Variants in LRRIQ1 observed in about 807,000 individuals in gnomAD.
The protein encoded by LRRIQ1 is leucine-rich repeat- and IQ domain-containing protein 1.
LRRIQ1 carries 210 observed loss-of-function variants against 211.9 expected under a neutral mutation model. The ratio of observed to expected loss-of-function variants is 0.99; its 90% CI spans 0.89 to 1.11. The LOEUF (loss-of-function observed/expected upper bound fraction) is 1.11, where lower values mean the gene tolerates loss of function less well. LRRIQ1 is among the 50% of genes most tolerant of loss of function. The pLI is 0.00. For missense variants in LRRIQ1, 2,136 were observed against 1,939.5 expected (o/e 1.10, Z -1.90); for synonymous variants, 699 against 650.1 (o/e 1.08, Z -1.14).
chr12:85,207,048 G>A (rs1893593047), intron 24 of LRRIQ1, among the ~76,000 whole-genome samples: 2 of 152,146 alleles, frequency 1.3e-5, no homozygotes, highest in African/African-American at 2.4e-5. Flanking sequence ...AGCTCTTCCT[G>A]ACAGTTCATG....
intron 24 of LRRIQ1, among the ~76,000 whole-genome samples, chr12:85,166,958 G>A (rs965003366): frequency 6.6e-6 from 1 of 152,126 alleles, no homozygotes; most frequent in African/African-American, 2.4e-5. Context: ...ATGTATAATG[G>A]ATAGTTAATA....
chr12:85,179,703 T>C (rs1436714078), intron 24 of LRRIQ1, among the ~76,000 whole-genome samples: 1 of 151,978 alleles, frequency 6.6e-6, no homozygotes, highest in Admixed American at 6.6e-5. Context: ...TTCCTTTATC[T>C]GAAATGACCC....
chr12:85,084,495 G>A (rs1884614272), intron 11 of LRRIQ1, among the ~76,000 whole-genome samples: 1 of 151,688 alleles, frequency 6.6e-6, no homozygotes, highest in Non-Finnish European at 1.5e-5. Flanking sequence ...TTATTGCTAG[G>A]GTATATGTAA....
Position 85,244,888 on chromosome 12 carries a change from A to G in LRRIQ1, c.5116A>G (p.Arg1706Gly), listed in dbSNP as rs762647114. The change falls in exon 27 of 27, where the codon AGA becomes GGA. Residue 1706 changes from arginine (R) to glycine (G), a missense_variant. Physicochemically the swap from Arg to Gly is moderately radical, Grantham distance 125. Coordinates refer to ENST00000393217, the MANE Select transcript of LRRIQ1 (RefSeq NM_001079910.2). ...VNREKKNQAH[R>G]HSAGSSSKLW... Reference sequence around the variant, plus strand: ...CAGAGAAAAAAAAAATCAGGCACACAGACACTCAGCAGGATCTTCAAGTAA... The same window carrying G: ...CAGAGAAAAAAAAAATCAGGCACACGGACACTCAGCAGGATCTTCAAGTAA... The G allele has an allele frequency of 6.2e-7, 1 of 1,611,688 alleles. No homozygotes were observed. The highest frequency in any genetic ancestry group is 8.5e-7 in the Non-Finnish European group (1 of 1,178,368).
At chr12:85,069,338 C>T (rs926288997) in intron 10 of LRRIQ1, among the ~76,000 whole-genome samples, 2 of 151,946 alleles carry the variant, frequency 1.3e-5, no homozygotes, top group African/African-American at 4.8e-5. Flanking sequence ...TCCAGTCTAT[C>T]GTTGTTGTAC....
At chr12:85,179,700 A>C (rs1891886033) in intron 24 of LRRIQ1, among the ~76,000 whole-genome samples, 1 of 151,910 alleles carries the variant, frequency 6.6e-6, no homozygotes. Context: ...TGTTTCCTTT[A>C]TCTGAAATGA....
At chr12:85,060,980 A>G (rs547708883) in intron 8 of LRRIQ1, among the ~76,000 whole-genome samples, 13 of 152,018 alleles carry the variant, frequency 8.6e-5, no homozygotes, top group Middle Eastern at 3.4e-3. Context: ...TGAGAGTTTC[A>G]TAGCTTCTAT....
rs1565931223 is a variant in LRRIQ1, at chr12:85,257,046, T to TTATATATATAATTATATAATTATATAAA, written c.122-5860_122-5833dup. 2.8e-3 allele frequency among the ~76,000 whole-genome samples: 298 copies of TTATATATATAATTATATAATTATATAAA among 108,198 alleles called. 1 individual carries two copies. The highest frequency in any genetic ancestry group is 5.4e-3 in the African/African-American group (155 of 28,498). 71.0% of individuals were successfully genotyped at this position (108,198 alleles called of 152,430 possible). A position where few individuals can be genotyped will look rare whatever the true frequency, so the allele number is the denominator to read the frequency against. ...TATACATATAATATATATTATATAA[T>TTATATATATAATTATATAATTATATAAA]TATATATATAATTATATAATTATAT... On this transcript the variant is annotated intron_variant, in intron 1 of 1. Transcript: ENST00000602731.
intron 15 of LRRIQ1, among the ~76,000 whole-genome samples, chr12:85,121,128 T>C (rs1476048738): frequency 6.6e-6 from 1 of 151,948 alleles, no homozygotes; most frequent in African/African-American, 2.4e-5. Flanking sequence ...CCACCAAAAA[T>C]TGATATAGAC....
chr12:85,180,315 G>A (rs941981869), intron 24 of LRRIQ1, among the ~76,000 whole-genome samples: 9 of 151,854 alleles, frequency 5.9e-5, no homozygotes, highest in Non-Finnish European at 1.0e-4. Context: ...AGAATGGAAA[G>A]GGGTACTATA....
In LRRIQ1 at chr12:85,065,392, A is replaced by T; in HGVS notation, c.2522A>T (p.Lys841Ile). ...TSLHSLSNCK[K>I]LKYIDAQENH... is the part of the protein sequence containing the mutation. The stretch of plus-strand genomic sequence containing the variant: ...TTGCACAGCCTGAGTAATTGTAAAA[A>T]ACTTAAGTACATTGATGCACAGGTA... The change falls in exon 9 of 27, where the codon AAA (lysine) becomes ATA (isoleucine). Residue 841 changes from lysine to isoleucine, a missense_variant. By Grantham distance (102) the Lys-to-Ile change is moderately radical (BLOSUM62 -3). Coordinates refer to ENST00000393217, the MANE Select transcript of LRRIQ1 (RefSeq NM_001079910.2). 1 of 1,609,410 alleles carries T rather than the reference A, an allele frequency of 6.2e-7. No individual in the cohort carries two copies. The highest frequency in any genetic ancestry group is 8.5e-7 in the Non-Finnish European group (1 of 1,177,262).
chr12:85,098,607 A>G, intron 12 of LRRIQ1, 59 bp downstream of exon 12: 12 of 1,395,868 alleles, frequency 8.6e-6, no homozygotes, highest in Non-Finnish European at 1.2e-5. Context: ...TTTGATAGAA[A>G]TACCAATCAC....
intron 11 of LRRIQ1, among the ~76,000 whole-genome samples, chr12:85,075,271 G>C (rs186862785): frequency 3.9e-5 from 6 of 152,086 alleles, no homozygotes; most frequent in Non-Finnish European, 7.4e-5. Context: ...ACATAGTGGG[G>C]CCCTGCCTCT....
At chr12:85,074,475 A>G (rs1211826035) in intron 11 of LRRIQ1, among the ~76,000 whole-genome samples, 1 of 151,994 alleles carries the variant, frequency 6.6e-6, no homozygotes, top group Non-Finnish European at 1.5e-5. Flanking sequence ...TTATATTAAA[A>G]TGTAAAATTA....
intron 24 of LRRIQ1, among the ~76,000 whole-genome samples, chr12:85,217,686 A>ATGTG (rs1303862604): frequency 8.8e-4 from 105 of 119,486 alleles, no homozygotes; most frequent in African/African-American, 5.3e-3. Context: ...ATATGTATAT[A>ATGTG]TGTGTATATA....
At chr12:85,197,934 T>G (rs759433931) in intron 24 of LRRIQ1, among the ~76,000 whole-genome samples, 58 of 108,406 alleles carry the variant, frequency 5.4e-4, no homozygotes, top group Non-Finnish European at 8.8e-4. Context: ...ATAATATAAT[T>G]ATATATATTT....
At chr12:85,210,368 T>G (rs1329869684) in intron 24 of LRRIQ1, among the ~76,000 whole-genome samples, 3 of 152,236 alleles carry the variant, frequency 2.0e-5, no homozygotes, top group African/African-American at 7.2e-5. Context: ...AATTTTTAGT[T>G]ACATGTGTTT....
At chr12:85,119,371 A>G (rs1887811334) in intron 15 of LRRIQ1, among the ~76,000 whole-genome samples, 2 of 151,930 alleles carry the variant, frequency 1.3e-5, no homozygotes, top group African/African-American at 4.8e-5. Flanking sequence ...ATAATATCCT[A>G]TTTTCTAGTT....
chr12:85,147,104 A>G (rs1005955117), intron 19 of LRRIQ1, among the ~76,000 whole-genome samples: 3 of 151,818 alleles, frequency 2.0e-5, no homozygotes, highest in Admixed American at 6.6e-5. Flanking sequence ...TTGTGTCACA[A>G]CTGTCACAAT....
Sources: allele counts gnomAD v4.1 joint callset (sites outside exome capture counted in the v4.1 genomes callset), GRCh38; gene constraint gnomAD v4.1.1; transcripts MANE v1.5; gene names NCBI Gene and HGNC (gene_info 2026-07-23, HGNC 2026-07-21).